The following ELOVL5 variants were observed in gnomAD, a reference collection of about 807,000 sequenced individuals.
ELOVL5 encodes the protein very long chain fatty acid elongase 5.
ELOVL5 carries 8 observed loss-of-function variants against 38.6 expected under a neutral mutation model. The ratio of observed to expected loss-of-function variants is 0.21; its 90% confidence interval spans 0.12 to 0.37. The LOEUF is 0.37. ELOVL5 is among the 10% of genes least tolerant of loss of function. The pLI, the probability that ELOVL5 is intolerant of heterozygous loss-of-function variation, is 1.00. For missense variants in ELOVL5, 280 were observed against 367.8 expected, an observed-to-expected ratio of 0.76 and a Z score of 1.95; for synonymous variants, 127 against 133.7, an observed-to-expected ratio of 0.95 and a Z score of 0.34.
chr6:53,295,786 T>C, intron 1 of ELOVL5, 79 bp from the exon 2 acceptor site: 1 of 914,588 alleles, frequency 1.1e-6, no homozygotes, highest in Non-Finnish European at 1.6e-6. Context: ...AAAGAATAAA[T>C]TCTTTTCAAA....
intron 5 of ELOVL5, 149 bp from the exon 6 acceptor site, chr6:53,273,493 G>C (rs190892459): frequency 1.3e-3 from 869 of 694,036 alleles, no homozygotes; most frequent in Admixed American, 2.6e-3. Flanking sequence ...AGCAAGCAAT[G>C]CATGGATGTG....
intron 1 of ELOVL5, among the ~76,000 whole-genome samples, chr6:53,303,049 C>A (rs146422548): frequency 1.4e-3 from 220 of 152,272 alleles, no homozygotes; most frequent in Non-Finnish European, 2.4e-3. Flanking sequence ...GTTAGGCAGG[C>A]ATGGGAACAT....
chr6:53,320,597 A>T (rs1768264886), intron 1 of ELOVL5, among the ~76,000 whole-genome samples: 1 of 152,012 alleles, frequency 6.6e-6, no homozygotes, highest in Non-Finnish European at 1.5e-5. Context: ...TGCTGGGATT[A>T]CAGGCGTGAG....
In ELOVL5 at chr6:53,348,437, G is replaced by A. The variant is rs1391118282; in HGVS notation, c.-9+380C>T. ...CCGCGCGCTCCGGCCCGCAGGGCGG[G>A]AGGACCCAGGCGGACAGATCCATCC... On this transcript the variant is annotated intron_variant, in intron 1 of 7. Transcript: ENST00000304434. Among the ~76,000 whole-genome samples, 4 of 152,062 alleles carry A rather than the reference G, an allele frequency of 2.6e-5. No homozygotes were observed. In the East Asian group the frequency reaches 5.8e-4, roughly 22 times the overall value.
chr6:53,321,987 C>T (rs1055102631), intron 1 of ELOVL5, among the ~76,000 whole-genome samples: 32 of 152,156 alleles, frequency 2.1e-4, no homozygotes, highest in Non-Finnish European at 3.1e-4. Flanking sequence ...GTCTGCATTC[C>T]ACAAAAACTC....
At chr6:53,301,521 G>C (rs1161214718) in intron 1 of ELOVL5, among the ~76,000 whole-genome samples, 2 of 152,260 alleles carry the variant, frequency 1.3e-5, no homozygotes, top group African/African-American at 4.8e-5. Context: ...CCAAGCCAAA[G>C]CATCGATTCC....
chr6:53,298,983 GA>G (rs1457672522), intron 1 of ELOVL5, among the ~76,000 whole-genome samples: 3 of 151,796 alleles, frequency 2.0e-5, no homozygotes, highest in African/African-American at 7.3e-5. Context: ...AAACTAAAAG[GA>G]ATGTACTAAT....
intron 5 of ELOVL5, among the ~76,000 whole-genome samples, chr6:53,274,163 A>C (rs1766023522): frequency 6.6e-6 from 1 of 151,988 alleles, no homozygotes; most frequent in Non-Finnish European, 1.5e-5. Context: ...AATTTAAAGC[A>C]CTCTTCAAAT....
intron 1 of ELOVL5, among the ~76,000 whole-genome samples, chr6:53,308,354 C>T (rs1767687742): frequency 6.6e-6 from 1 of 152,172 alleles, no homozygotes; most frequent in Non-Finnish European, 1.5e-5. Flanking sequence ...CTATTAGGCT[C>T]TAAGCTCTTC....
intron 1 of ELOVL5, among the ~76,000 whole-genome samples, chr6:53,296,333 G>A (rs1767002986): frequency 6.6e-6 from 1 of 152,062 alleles, no homozygotes; most frequent in Admixed American, 6.6e-5. Context: ...CCTCTTTTGA[G>A]CACAAAGAGG....
chr6:53,287,837 G>C (rs1766630447), intron 3 of ELOVL5: 1 of 1,530,140 alleles, frequency 6.5e-7, no homozygotes, highest in Non-Finnish European at 8.8e-7. Context: ...GGAATTCAAA[G>C]CCATGTGCAC....
At chr6:53,320,866 AT>A (rs1328799445) in intron 1 of ELOVL5, among the ~76,000 whole-genome samples, 6 of 152,008 alleles carry the variant, frequency 3.9e-5, no homozygotes, top group African/African-American at 1.5e-4. Flanking sequence ...CCCAATGTTT[AT>A]TTTTTTTAAA....
At chr6:53,317,873 C>T (rs986536307) in intron 1 of ELOVL5, among the ~76,000 whole-genome samples, 2 of 151,380 alleles carry the variant, frequency 1.3e-5, no homozygotes, top group Admixed American at 1.3e-4. Flanking sequence ...AACCTAATCC[C>T]GCCCACTATT....
intron 1 of ELOVL5, among the ~76,000 whole-genome samples, chr6:53,343,353 C>T (rs1377146620): frequency 6.6e-6 from 1 of 152,122 alleles, no homozygotes; most frequent in Non-Finnish European, 1.5e-5. Flanking sequence ...GCTGGGACTA[C>T]AGGCATGTAC....
intron 2 of ELOVL5, chr6:53,294,300 A>T: frequency 6.4e-7 from 1 of 1,569,398 alleles, no homozygotes. Flanking sequence ...GGGGCATGTG[A>T]AGCAATTGTG....
chr6:53,347,401 G>A (rs576200690), intron 1 of ELOVL5, among the ~76,000 whole-genome samples: 3 of 152,146 alleles, frequency 2.0e-5, no homozygotes, highest in African/African-American at 7.2e-5. Context: ...CAGATGGAAG[G>A]CTAAAATGTT....
In ELOVL5 at chr6:53,301,847, T is replaced by C. The variant is rs1050752748; in HGVS notation, c.-8-6140A>G. On this transcript the variant is annotated intron_variant, in intron 1 of 7. Transcript: ENST00000304434. ...TTTTGGTAACCATGCAACTATATTA[T>C]AATTGTGTCTCATTTTAAGTATCTC... is the stretch of plus-strand genomic sequence containing the variant. Among the ~76,000 whole-genome samples, 8 of 152,318 alleles carry C rather than the reference T, an allele frequency of 5.3e-5. No homozygotes were observed. The South Asian group carries it at 1.0e-3, about 20-fold the overall frequency.
chr6:53,277,542 T>TC (rs1766187772), intron 3 of ELOVL5: 1 of 152,222 alleles, frequency 6.6e-6, no homozygotes, highest in Admixed American at 6.5e-5. Context: ...CTAAATTATC[T>TC]CTAAAGGGTC....
At chr6:53,294,243 A>C in intron 2 of ELOVL5, 1 of 1,527,054 alleles carries the variant, frequency 6.5e-7, no homozygotes, top group Non-Finnish European at 8.8e-7. Flanking sequence ...CTTAGGATCT[A>C]GTCAATCTGT....
Sources: allele counts gnomAD v4.1 joint callset (sites outside exome capture counted in the v4.1 genomes callset), GRCh38; gene constraint gnomAD v4.1.1; transcripts MANE v1.5; gene names NCBI Gene and HGNC (gene_info 2026-07-23, HGNC 2026-07-21).